The following CTNNA2 variants were observed in gnomAD, a reference collection of about 807,000 sequenced individuals.
CTNNA2 encodes the protein catenin alpha 2, also known as catenin alpha-2.
A neutral mutation model predicts 101.0 loss-of-function variants in CTNNA2; 42 were observed. The observed-to-expected ratio is 0.42, with a 90% CI of 0.32 to 0.54. The LOEUF (loss-of-function observed/expected upper bound fraction) is 0.54, where lower values mean the gene tolerates loss of function less well. Among genes scored for constraint, CTNNA2 ranks in the 20% least tolerant of loss-of-function variants. CTNNA2 has a pLI of 0.14. For missense variants in CTNNA2, 871 were observed against 1,223.1 expected, an observed-to-expected ratio of 0.71 and a Z score of 4.29; for synonymous variants, 450 against 456.4, an observed-to-expected ratio of 0.99 and a Z score of 0.18.
At chr2:79,637,402 A>G (rs1680148019) in intron 1 of CTNNA2, among the ~76,000 whole-genome samples, 1 of 152,150 alleles carries the variant, frequency 6.6e-6, no homozygotes, top group Non-Finnish European at 1.5e-5. Flanking sequence ...GTAGAAACAG[A>G]TAGTTTCATA....
chr2:79,774,763 C>T (rs1201376100), intron 3 of CTNNA2, among the ~76,000 whole-genome samples: 1 of 152,078 alleles, frequency 6.6e-6, no homozygotes, highest in Non-Finnish European at 1.5e-5. Context: ...TGAATTTGCA[C>T]CATCTTTCTG....
At chr2:80,332,116 A>G (rs1433983477) in intron 7 of CTNNA2, among the ~76,000 whole-genome samples, 3 of 152,144 alleles carry the variant, frequency 2.0e-5, no homozygotes, top group Admixed American at 2.0e-4. Flanking sequence ...AGCAGGAATG[A>G]CACTGTCCTT....
At chr2:79,596,849 T>C (rs951756487) in intron 1 of CTNNA2, among the ~76,000 whole-genome samples, 3 of 152,242 alleles carry the variant, frequency 2.0e-5, no homozygotes, top group African/African-American at 7.2e-5. Context: ...AGTGCTCTGC[T>C]ATTCTCCAGG....
chr2:80,350,397 C>T (rs555147088), intron 7 of CTNNA2, among the ~76,000 whole-genome samples: 3 of 152,214 alleles, frequency 2.0e-5, no homozygotes, highest in Admixed American at 1.3e-4. Context: ...GATAGATGCC[C>T]GCTAATCATT....
intron 7 of CTNNA2, among the ~76,000 whole-genome samples, chr2:80,358,019 G>T (rs778186509): frequency 6.6e-6 from 1 of 152,136 alleles, no homozygotes; most frequent in Non-Finnish European, 1.5e-5. Context: ...GGTAGGCTCT[G>T]TGGGGGCAGA....
At chr2:79,957,371 G>A (rs752595825) in intron 7 of CTNNA2, among the ~76,000 whole-genome samples, 42 of 152,110 alleles carry the variant, frequency 2.8e-4, no homozygotes, top group Non-Finnish European at 3.8e-4. Context: ...ATCCTGTTGG[G>A]TTGTGTCCAT....
intron 1 of CTNNA2, among the ~76,000 whole-genome samples, chr2:79,629,475 C>T (rs185840816): frequency 2.8e-4 from 42 of 152,234 alleles, no homozygotes; most frequent in African/African-American, 7.9e-4. Flanking sequence ...CCTTTGCCAT[C>T]GTGGTCCCAA....
intron 3 of CTNNA2, among the ~76,000 whole-genome samples, chr2:79,835,876 C>T (rs947112592): frequency 4.5e-4 from 69 of 151,684 alleles, no homozygotes; most frequent in African/African-American, 1.6e-3. Flanking sequence ...CGTGATCCAC[C>T]TGCCTCGGCA....
intron 6 of CTNNA2, among the ~76,000 whole-genome samples, chr2:79,885,192 G>T (rs1367140518): frequency 6.6e-6 from 1 of 152,046 alleles, no homozygotes; most frequent in African/African-American, 2.4e-5. Flanking sequence ...TGCATTTTCA[G>T]TGGAGAACGA....
At chr2:79,247,415 C>G (rs1292206766) in intron 2 of CTNNA2, among the ~76,000 whole-genome samples, 1 of 152,118 alleles carries the variant, frequency 6.6e-6, no homozygotes, top group African/African-American at 2.4e-5. Flanking sequence ...AGCTCTTGTC[C>G]CACTATAATG....
At position 80,077,053 on chromosome 2, in the gene CTNNA2, A is replaced by G. The variant is rs901535722; in HGVS notation, c.1056+167256A>G. Among the ~76,000 whole-genome samples, 5 of 152,208 alleles carry G rather than the reference A, an allele frequency of 3.3e-5. No homozygotes were observed. In the South Asian group the frequency reaches 8.3e-4, roughly 25 times the overall value. ...AGAGTGAGACTCTGTCTCAAAACAA[A>G]CAAACAAACAAAAGTTAGAGACTCA... On this transcript the variant is annotated intron_variant, in intron 7 of 18. Transcript: ENST00000402739.
chr2:79,848,601 T>A (rs531201742), intron 3 of CTNNA2, among the ~76,000 whole-genome samples: 9 of 152,308 alleles, frequency 5.9e-5, no homozygotes, highest in Non-Finnish European at 1.3e-4. Context: ...GTTAATGATC[T>A]GTGCCTTCTG....
chr2:79,918,099 A>C (rs911580604), intron 7 of CTNNA2, among the ~76,000 whole-genome samples: 1 of 151,342 alleles, frequency 6.6e-6, no homozygotes, highest in Non-Finnish European at 1.5e-5. Flanking sequence ...CGGTGAAAAA[A>C]CAGTATTGAA....
At chr2:79,745,947 A>C (rs899431136) in intron 3 of CTNNA2, among the ~76,000 whole-genome samples, 1 of 152,176 alleles carries the variant, frequency 6.6e-6, no homozygotes. Context: ...ATCATATGAT[A>C]ATTATATTTT....
intron 4 of CTNNA2, among the ~76,000 whole-genome samples, chr2:79,434,495 G>A (rs1228495472): frequency 1.3e-5 from 2 of 152,140 alleles, no homozygotes; most frequent in Non-Finnish European, 2.9e-5. Context: ...TCCCTTGCTT[G>A]ATCAATATTA....
At chr2:79,369,484 CG>C (rs1553405698) in intron 3 of CTNNA2, among the ~76,000 whole-genome samples, 1 of 152,124 alleles carries the variant, frequency 6.6e-6, no homozygotes, top group Non-Finnish European at 1.5e-5. Context: ...ACGACTGTAG[CG>C]GCACCCCTGT....
rs138199673 is a variant in CTNNA2 at position 79,462,849 on chromosome 2, G to T, written c.-134-42205G>T. Among the ~76,000 whole-genome samples the T allele has an allele frequency of 1.5e-3, 236 of 152,264 alleles. 3 individuals are homozygous for T. In the East Asian group the frequency reaches 0.027, roughly 18 times the overall value. ...ATACAGATAGAGTACATGCTGCCCT[G>T]TGTTGTTATTTTGTCTATGGTTGGA... On this transcript the variant is annotated intron_variant, in intron 4 of 21. Transcript: ENST00000466387.
intron 8 of CTNNA2, among the ~76,000 whole-genome samples, chr2:80,405,324 T>C (rs1678960604): frequency 6.6e-6 from 1 of 152,314 alleles, no homozygotes; most frequent in African/African-American, 2.4e-5. Context: ...ATTAAATTTC[T>C]TGCTGATATA....
chr2:80,176,063 G>A (rs192313791), intron 7 of CTNNA2, among the ~76,000 whole-genome samples: 79 of 152,196 alleles, frequency 5.2e-4, no homozygotes, highest in African/African-American at 1.7e-3. Flanking sequence ...ATCCCCTTTG[G>A]CAACACCTTC....
Sources: allele counts gnomAD v4.1 joint callset (sites outside exome capture counted in the v4.1 genomes callset), GRCh38; gene constraint gnomAD v4.1.1; transcripts MANE v1.5; gene names NCBI Gene and HGNC (gene_info 2026-07-23, HGNC 2026-07-21).